The following PDE4D variants were observed in gnomAD, a reference collection of about 807,000 sequenced individuals.
PDE4D encodes the protein 3',5'-cyclic-AMP phosphodiesterase 4D.
A neutral mutation model predicts 87.4 loss-of-function variants in PDE4D; 24 were observed. The observed-to-expected ratio is 0.27, with a 90% CI of 0.20 to 0.39. The LOEUF (loss-of-function observed/expected upper bound fraction) is 0.39. Among genes scored for constraint, PDE4D ranks in the 10% least tolerant of loss-of-function variants. PDE4D has a pLI of 1.00. For missense variants in PDE4D, 714 were observed against 1,041.0 expected (o/e 0.69, Z 4.32); for synonymous variants, 384 against 383.2 (o/e 1.00, Z -0.02).
At chr5:60,258,148 A>G (rs1039684401) in intron 1 of PDE4D, among the ~76,000 whole-genome samples, 1 of 151,974 alleles carries the variant, frequency 6.6e-6, no homozygotes, top group Non-Finnish European at 1.5e-5. Context: ...CAGTCCACAG[A>G]ACAAGCTACT....
At chr5:60,020,191 A>C (rs1332666076) in intron 2 of PDE4D, among the ~76,000 whole-genome samples, 3 of 152,166 alleles carry the variant, frequency 2.0e-5, no homozygotes, top group Non-Finnish European at 4.4e-5. Context: ...TCTATCACTT[A>C]AGTTCACAAT....
chr5:58,999,710 C>G (rs1750081349), intron 6 of PDE4D: 1 of 1,074,376 alleles, frequency 9.3e-7, no homozygotes, highest in African/African-American at 1.7e-5. Flanking sequence ...TAAATCCCAT[C>G]CAGCCGTCTT....
At chr5:59,753,546 G>A (rs1378093695) in intron 1 of PDE4D, among the ~76,000 whole-genome samples, 1 of 152,098 alleles carries the variant, frequency 6.6e-6, no homozygotes, top group African/African-American at 2.4e-5. Context: ...TTAAGAGTAG[G>A]GTTTATTAAA....
intron 1 of PDE4D, among the ~76,000 whole-genome samples, chr5:59,787,497 G>A (rs1765306607): frequency 6.6e-6 from 1 of 152,154 alleles, no homozygotes; most frequent in Non-Finnish European, 1.5e-5. Flanking sequence ...ATACACATGG[G>A]TAGGTCTGTG....
At chr5:59,684,284 G>A (rs1749500848) in intron 1 of PDE4D, among the ~76,000 whole-genome samples, 1 of 151,964 alleles carries the variant, frequency 6.6e-6, no homozygotes, top group Admixed American at 6.6e-5. Context: ...ATATTTTAAT[G>A]TATTCTACAG....
At chr5:60,114,659 C>T (rs901040848) in intron 2 of PDE4D, among the ~76,000 whole-genome samples, 5 of 152,064 alleles carry the variant, frequency 3.3e-5, no homozygotes, top group Non-Finnish European at 5.9e-5. Flanking sequence ...CCCCAAAATG[C>T]TTTGCTTTAC....
chr5:60,254,207 T>A (rs952003400), intron 1 of PDE4D, among the ~76,000 whole-genome samples: 3 of 151,918 alleles, frequency 2.0e-5, no homozygotes, highest in Admixed American at 6.6e-5. Flanking sequence ...CCTTGTTGGC[T>A]GCAGAGTCCA....
chr5:60,196,168 A>G (rs1362630913), intron 1 of PDE4D, among the ~76,000 whole-genome samples: 3 of 151,636 alleles, frequency 2.0e-5, no homozygotes, highest in South Asian at 2.1e-4. Context: ...CTTCACTCCC[A>G]AGGGTATGGA....
At chr5:59,483,162 C>G (rs766923321) in intron 1 of PDE4D, among the ~76,000 whole-genome samples, 2 of 152,146 alleles carry the variant, frequency 1.3e-5, no homozygotes, top group African/African-American at 2.4e-5. Context: ...AGCCTGCCAG[C>G]TTTCAGACTG....
At chr5:59,241,962 T>C (rs1205526658) in intron 1 of PDE4D, among the ~76,000 whole-genome samples, 1 of 152,212 alleles carries the variant, frequency 6.6e-6, no homozygotes, top group Non-Finnish European at 1.5e-5. Flanking sequence ...AGGGAAAAGC[T>C]TAGTTAAGTG....
intron 1 of PDE4D, among the ~76,000 whole-genome samples, chr5:59,624,711 C>T (rs562262745): frequency 1.1e-4 from 17 of 152,270 alleles, no homozygotes; most frequent in African/African-American, 4.1e-4. Flanking sequence ...CTTCATTTTG[C>T]CTGGTAGTTC....
At chr5:59,798,107 C>A (rs868081195) in intron 1 of PDE4D, among the ~76,000 whole-genome samples, 2 of 151,980 alleles carry the variant, frequency 1.3e-5, no homozygotes, top group Non-Finnish European at 2.9e-5. Context: ...GTGGCCCGCA[C>A]CTGTAATCCC....
intron 5 of PDE4D, among the ~76,000 whole-genome samples, chr5:59,142,992 T>C (rs1220285597): frequency 6.6e-6 from 1 of 152,212 alleles, no homozygotes; most frequent in African/African-American, 2.4e-5. Flanking sequence ...AAAATTTATA[T>C]TCATGAAAAA....
intron 1 of PDE4D, among the ~76,000 whole-genome samples, chr5:60,200,308 T>G (rs1007282810): frequency 6.6e-6 from 1 of 151,648 alleles, no homozygotes; most frequent in Non-Finnish European, 1.5e-5. Flanking sequence ...CCAGGATATG[T>G]ATGTTTTCTC....
chr5:59,926,842 T>C lies in PDE4D; in HGVS notation c.272+61646A>G, dbSNP rs551827082. ...TGAACCATGAAGTCCAAAATCCAAA[T>C]AGACCAATAGTAAGTAATGAGATCA... On this transcript the variant is annotated intron_variant, in intron 3 of 16. Transcript: ENST00000502484. Among the ~76,000 whole-genome samples the C allele has an allele frequency of 3.2e-4, 49 of 152,198 alleles. No homozygotes were observed. In the South Asian group the frequency reaches 6.6e-3, roughly 21 times the overall value.
chr5:60,174,015 A>G (rs1238729870), intron 2 of PDE4D, among the ~76,000 whole-genome samples: 1 of 152,158 alleles, frequency 6.6e-6, no homozygotes, highest in African/African-American at 2.4e-5. Flanking sequence ...TATTTAGGAT[A>G]TGTAGCAGTA....
chr5:60,054,280 A>G (rs1770530788), intron 2 of PDE4D, among the ~76,000 whole-genome samples: 1 of 152,216 alleles, frequency 6.6e-6, no homozygotes, highest in Non-Finnish European at 1.5e-5. Context: ...ACTTGGAACC[A>G]ACCCAAACGC....
At chr5:60,337,368 T>C (rs1319833918) in intron 1 of PDE4D, among the ~76,000 whole-genome samples, 3 of 114,770 alleles carry the variant, frequency 2.6e-5, no homozygotes, top group Non-Finnish European at 5.3e-5. Flanking sequence ...TATATATATA[T>C]ATATATATAT....
intron 1 of PDE4D, among the ~76,000 whole-genome samples, chr5:59,486,792 C>T (rs1325865351): frequency 6.6e-6 from 1 of 152,102 alleles, no homozygotes. Flanking sequence ...AGCGTTAATG[C>T]ATTAAATATA....
Sources: gnomAD v4.1 joint callset for allele counts (sites outside exome capture counted in the v4.1 genomes callset) on GRCh38, gnomAD v4.1.1 for gene constraint, MANE v1.5 for transcripts, NCBI Gene and HGNC (gene_info 2026-07-23, HGNC 2026-07-21) for gene names.